The following LRRC24 variants were observed in gnomAD, a reference collection of about 807,000 sequenced individuals.
LRRC24 encodes the protein leucine rich repeat containing 24, also known as leucine-rich repeat-containing protein 24.
In LRRC24, 19 loss-of-function variants were observed where a neutral mutation model predicts 15.3. That is an observed-to-expected ratio of 1.25 (90% CI 0.87 to 1.83). LRRC24 has a LOEUF of 1.83. Ranked by LOEUF, LRRC24 falls within the 40% of genes most tolerant of loss-of-function variation. The pLI, the probability that LRRC24 is intolerant of heterozygous loss-of-function variation, is 0.00. For synonymous variants in LRRC24, 469 were observed against 359.6 expected, an observed-to-expected ratio of 1.30 and a Z score of -3.44; for missense variants, 914 against 723.9, an observed-to-expected ratio of 1.26 and a Z score of -3.01.
Position 144,522,753 on chromosome 8 carries a change from C to G in LRRC24, c.1264G>C (p.Val422Leu). Reference protein sequence around the residue: ...ALLALTALLLVAMICRRRRRR... With the variant: ...ALLALTALLLLAMICRRRRRR... ...CGGCGCCGGCGACAGATCATGGCGA[C>G]CAGGAGCAGCGCCGTGAGCGCCAGC... Residue 422 changes from valine to leucine, a missense_variant, in exon 5 of 5, where the codon GTC (valine) becomes CTC (leucine). Transcript: ENST00000529415. 6.3e-7 allele frequency: 1 copy of G among 1,583,894 alleles called. No homozygotes were observed. Among genetic ancestry groups the G allele is most frequent in the Non-Finnish European group, 8.6e-7 (1 of 1,167,466 alleles).
intron 1 of LRRC24, chr8:144,526,445 G>T (rs894285807): frequency 6.6e-6 from 1 of 152,306 alleles, no homozygotes; most frequent in Non-Finnish European, 1.5e-5. Flanking sequence ...AGAACTCACG[G>T]CGCTGCTGCT....
chr8:144,522,673 G>A lies in LRRC24; in HGVS notation c.1344C>T (p.Asp448=). ...PPGEGALFVN[D]YLDGPCTFAQ... is the part of the protein sequence containing the mutation. ...CGAACGTACAGGGGCCGTCCAAGTA[G>A]TCGTTGACGAACAGCGCTCCCTCCC... Residue 448 remains aspartate, a synonymous_variant, in exon 5 of 5, where the codon GAC becomes GAT. Transcript: ENST00000529415. The A allele has an allele frequency of 2.5e-6, 4 of 1,595,908 alleles. No individual in the cohort carries two copies. The highest frequency in any genetic ancestry group is 3.4e-6 in the Non-Finnish European group (4 of 1,172,468).
chr8:144,526,848 T>A, intron 1 of LRRC24, 112 bp downstream of exon 1: 1 of 151,674 alleles, frequency 6.6e-6, no homozygotes, highest in East Asian at 1.9e-4. Flanking sequence ...GCGTTCCCCA[T>A]CCCCCTCCAG....
At chr8:144,523,757 G>A (rs980723024) in intron 4 of LRRC24, 6 of 411,982 alleles carry the variant, frequency 1.5e-5, no homozygotes, top group Non-Finnish European at 2.2e-5. Flanking sequence ...AACCTCACAA[G>A]TCCTCTCAGC....
At position 144,523,891 on chromosome 8, in the gene LRRC24, C is replaced by T; in HGVS notation, c.607+219G>A. 5.0e-6 allele frequency: 3 copies of T among 600,478 alleles called. 1 individual carries two copies. The highest frequency in any genetic ancestry group is 4.4e-5 in the South Asian group (2 of 45,246). 37.2% of individuals were successfully genotyped at this position (600,478 alleles called of 1,614,324 possible). A position where few individuals can be genotyped will look rare whatever the true frequency, so the allele number is the denominator to read the frequency against. ...CAGAACCCTCAATTCTGTTAAGTCACCCTGTGGAGTTCCTGTCTTCTGTTT... is the reference window on the plus strand; with the variant it reads ...CAGAACCCTCAATTCTGTTAAGTCATCCTGTGGAGTTCCTGTCTTCTGTTT... On this transcript the variant is annotated intron_variant, in intron 4 of 4. Coordinates refer to ENST00000529415, the MANE Select transcript of LRRC24 (RefSeq NM_001024678.4).
chr8:144,524,625 C>CT lies in LRRC24; in HGVS notation c.253dup (p.Ser85LysfsTer23). ...GGCGCCGGCCTCCAGGGCGCGCAGG[C>CT]TGTTGTTGTGCAGGTAGAGCCGGCG... On this transcript the variant is annotated frameshift_variant, in exon 3 of 5. Transcript: ENST00000529415. LOFTEE classifies it high-confidence loss of function. 1 of 1,523,134 alleles carries CT rather than the reference C, an allele frequency of 6.6e-7. No homozygotes were observed. The highest frequency in any genetic ancestry group is 8.7e-7 in the Non-Finnish European group (1 of 1,143,414). 94.4% of individuals were successfully genotyped at this position (1,523,134 alleles called of 1,614,324 possible). A position where few individuals can be genotyped will look rare whatever the true frequency, so the allele number is the denominator to read the frequency against.
chr8:144,522,588 T>G lies in LRRC24; in HGVS notation c.1429A>C (p.Lys477Gln). The G allele has an allele frequency of 2.6e-6, 4 of 1,562,420 alleles. No homozygotes were observed. Among genetic ancestry groups the G allele is most frequent in the Non-Finnish European group, 3.5e-6 (4 of 1,157,012 alleles). The change falls in exon 5 of 5, where the codon AAG becomes CAG. Residue 477 changes from lysine to glutamine, a missense_variant. Lys to Gln is a moderately conservative substitution (Grantham distance 53). Transcript: ENST00000529415. Reference protein sequence around the residue: ...GHEMFVINRSKPLFAEGPAEA... With the variant: ...GHEMFVINRSQPLFAEGPAEA... ...GCCGGACCCTCGGCGAAGAGCGGCT[T>G]GGAGCGGTTGATGACGAACATCTCG...
intron 1 of LRRC24, 77 bp from the exon 2 acceptor site, chr8:144,525,110 C>G (rs1164249973): frequency 5.0e-6 from 5 of 1,002,114 alleles, no homozygotes; most frequent in Non-Finnish European, 6.7e-6. Flanking sequence ...GCACCTGCGT[C>G]TAACTTTTGA....
rs1816300801 is a variant in LRRC24, at chr8:144,524,827, G to A, written c.148C>T (p.Pro50Ser). ...CACACGGTGCCCACCTGCGTCCCTG[G>A]CGGGATTCCCAGCGGGACGACGCGC... is the stretch of plus-strand genomic sequence containing the variant. ...RLRVVPLGIP[P>S]GTQTLFLQDN... The change falls in exon 2 of 5, where the codon CCA becomes TCA. Residue 50 changes from proline to serine, a missense_variant. Pro to Ser is a moderately conservative substitution (Grantham distance 74). Transcript: ENST00000529415. 6.8e-7 allele frequency: 1 copy of A among 1,471,622 alleles called. No homozygotes were observed. 91.2% of individuals were successfully genotyped at this position (1,471,622 alleles called of 1,614,324 possible).
Position 144,522,734 on chromosome 8 carries a change from C to T in LRRC24, c.1283G>A (p.Arg428Gln), listed in dbSNP as rs1816164853. 1.3e-6 allele frequency: 2 copies of T among 1,591,382 alleles called. No individual in the cohort carries two copies. The highest frequency in any genetic ancestry group is 2.3e-5 in the East Asian group (1 of 43,218). ...CCGCGCCTTTTTTCGCCTGCGGCGCCGGCGACAGATCATGGCGACCAGGAG... is the reference window on the plus strand; with the variant it reads ...CCGCGCCTTTTTTCGCCTGCGGCGCTGGCGACAGATCATGGCGACCAGGAG... ...ALLLVAMICR[R>Q]RRRRKKARGP... Residue 428 changes from arginine (R) to glutamine (Q), a missense_variant, in exon 5 of 5, where the codon CGG (arginine) becomes CAG (glutamine). By Grantham distance (43) the Arg-to-Gln change is conservative. Transcript: ENST00000529415.
At position 144,524,645 on chromosome 8, in the gene LRRC24, C is replaced by T. The variant is rs765644224; in HGVS notation, c.234G>A (p.Arg78=). 2.0e-6 allele frequency: 3 copies of T among 1,511,460 alleles called. No homozygotes were observed. In the East Asian group the frequency reaches 7.6e-5, roughly 38 times the overall value. The allele number at this position is 1,511,460 out of a possible 1,614,324, so 93.6% of individuals were successfully genotyped here. A position where few individuals can be genotyped will look rare whatever the true frequency, so the allele number is the denominator to read the frequency against. Residue 78 remains arginine (R), a synonymous_variant, in exon 3 of 5, where the codon CGG becomes CGA. Transcript: ENST00000529415. ...GALAPLAALR[R]LYLHNNSLRA... is the part of the protein sequence containing the mutation. ...GCAGGCTGTTGTTGTGCAGGTAGAG[C>T]CGGCGCAGAGCGGCGAGTGGCGCCA...
Position 144,524,673 on chromosome 8 carries a change from G to C in LRRC24, c.206C>G (p.Ala69Gly). ...DNNIARLEPG[A>G]LAPLAALRRL... ...GCGCAGAGCGGCGAGTGGCGCCAGG[G>C]CTCCCGGCTCTAGGCGGGCGATGTT... Residue 69 changes from alanine (A) to glycine (G), a missense_variant, in exon 3 of 5, where the codon GCC becomes GGC. By Grantham distance (60) the Ala-to-Gly change is moderately conservative. Coordinates refer to ENST00000529415, the MANE Select transcript of LRRC24 (RefSeq NM_001024678.4). The C allele has an allele frequency of 2.0e-6, 3 of 1,482,226 alleles. No individual in the cohort carries two copies. The highest frequency in any genetic ancestry group is 2.7e-6 in the Non-Finnish European group (3 of 1,127,330). The allele number at this position is 1,482,226 out of a possible 1,614,324, so 91.8% of individuals were successfully genotyped here.
rs1816174477 is a variant in LRRC24, at chr8:144,522,863, C to T, written c.1154G>A (p.Ser385Asn). 4 of 1,271,180 alleles carry T rather than the reference C, an allele frequency of 3.1e-6. No homozygotes were observed. In the Admixed American group the frequency reaches 1.3e-4, roughly 40 times the overall value. The allele number at this position is 1,271,180 out of a possible 1,614,324, so 78.7% of individuals were successfully genotyped here. A position where few individuals can be genotyped will look rare whatever the true frequency, so the allele number is the denominator to read the frequency against. ...PPPPAARPAG[S>N]EPRPEAGSMA... ...GCTGCCCGCCTCGGGCCGGGGCTCG[C>T]TGCCGGCGGGGCGGGCGGCCGGAGG... is the stretch of plus-strand genomic sequence containing the variant. Residue 385 changes from serine to asparagine, a missense_variant, in exon 5 of 5, where the codon AGC (serine) becomes AAC (asparagine). Coordinates refer to ENST00000529415, the MANE Select transcript of LRRC24 (RefSeq NM_001024678.4).
At chr8:144,525,061 C>T in intron 1 of LRRC24, 28 bp from the exon 2 acceptor site, 1 of 1,346,232 alleles carries the variant, frequency 7.4e-7, no homozygotes, top group South Asian at 1.9e-5. Flanking sequence ...AGGCCAGTCT[C>T]GGCAGTCGAG....
In LRRC24 at chr8:144,523,151, G is replaced by T; in HGVS notation, c.866C>A (p.Pro289Gln). The change falls in exon 5 of 5, where the codon CCA becomes CAA. Residue 289 changes from proline (P) to glutamine (Q), a missense_variant. Pro to Gln is a moderately conservative substitution (Grantham distance 76). Coordinates refer to ENST00000529415, the MANE Select transcript of LRRC24 (RefSeq NM_001024678.4). ...GGGCACCTTTCTCCAGGTCACCAATGGCTGCGGGTAGCCGGAGGCTTGGCA... is the reference window on the plus strand; with the variant it reads ...GGGCACCTTTCTCCAGGTCACCAATTGCTGCGGGTAGCCGGAGGCTTGGCA... ...VACQASGYPQ[P>Q]LVTWRKVPQP... 6.2e-7 allele frequency: 1 copy of T among 1,610,984 alleles called. No individual in the cohort carries two copies. Among genetic ancestry groups the T allele is most frequent in the South Asian group, 1.1e-5 (1 of 90,932 alleles).
At chr8:144,524,397 G>C (rs1294816223) in intron 3 of LRRC24, 44 bp downstream of exon 3, 1 of 1,594,408 alleles carries the variant, frequency 6.3e-7, no homozygotes, top group Non-Finnish European at 8.5e-7. Context: ...CAGGGCGAGG[G>C]GCCATAATGG....
rs1397012465 is a variant in LRRC24, at chr8:144,522,551, G to C, written c.1466C>G (p.Ala489Gly). The change falls in exon 5 of 5, where the codon GCT becomes GGT. Residue 489 changes from alanine (A) to glycine (G), a missense_variant. Physicochemically the swap from Ala to Gly is moderately conservative, Grantham distance 60. Coordinates refer to ENST00000529415, the MANE Select transcript of LRRC24 (RefSeq NM_001024678.4). ...CGCCCCCTGTTCCGGGCCGCAGTCA[G>C]CGGGCGCCTCCGCCGGACCCTCGGC... The part of the protein sequence containing the change: ...LFAEGPAEAP[A>G]DCGPEQGAGP... 2.6e-6 allele frequency: 4 copies of C among 1,535,510 alleles called. No individual in the cohort carries two copies. Among genetic ancestry groups the C allele is most frequent in the Non-Finnish European group, 1.7e-6 (2 of 1,143,460 alleles).
At position 144,522,859 on chromosome 8, in the gene LRRC24, C is replaced by T; in HGVS notation, c.1158G>A (p.Glu386=). The T allele has an allele frequency of 3.1e-6, 4 of 1,276,264 alleles. No individual in the cohort carries two copies. The highest frequency in any genetic ancestry group is 3.9e-6 in the Non-Finnish European group (4 of 1,018,102). 79.1% of individuals were successfully genotyped at this position (1,276,264 alleles called of 1,614,324 possible). Residue 386 remains glutamate, a synonymous_variant, in exon 5 of 5, where the codon GAG becomes GAA. Coordinates refer to ENST00000529415, the MANE Select transcript of LRRC24 (RefSeq NM_001024678.4). ...PPPAARPAGS[E]PRPEAGSMAF... The stretch of plus-strand genomic sequence containing the variant: ...CCATGCTGCCCGCCTCGGGCCGGGG[C>T]TCGCTGCCGGCGGGGCGGGCGGCCG...
rs978962899 is a variant in LRRC24 at position 144,522,559 on chromosome 8, C to T, written c.1458G>A (p.Glu486=). Residue 486 remains glutamate, a synonymous_variant, in exon 5 of 5, where the codon GAG becomes GAA. Transcript: ENST00000529415. ...SKPLFAEGPA[E]APADCGPEQG... ...GTTCCGGGCCGCAGTCAGCGGGCGCCTCCGCCGGACCCTCGGCGAAGAGCG... is the reference window on the plus strand; with the variant it reads ...GTTCCGGGCCGCAGTCAGCGGGCGCTTCCGCCGGACCCTCGGCGAAGAGCG... The T allele has an allele frequency of 3.2e-6, 5 of 1,541,788 alleles. No homozygotes were observed. The highest frequency in any genetic ancestry group is 1.7e-4 in the Middle Eastern group (1 of 5,906).
Sources: gnomAD v4.1 joint callset for allele counts on GRCh38, gnomAD v4.1.1 for gene constraint, MANE v1.5 for transcripts, NCBI Gene and HGNC (gene_info 2026-07-23, HGNC 2026-07-21) for gene names.